Variants in CA10 observed in about 807,000 individuals in gnomAD.
CA10 encodes carbonic anhydrase-related protein 10.
A neutral mutation model predicts 44.2 loss-of-function variants in CA10; 14 were observed. The ratio of observed to expected loss-of-function variants is 0.32; its 90% CI spans 0.21 to 0.50. CA10 has a LOEUF of 0.50. Among genes scored for constraint, CA10 ranks in the 20% least tolerant of loss-of-function variants. The pLI, the probability that CA10 is intolerant of heterozygous loss-of-function variation, is 0.99. For synonymous variants in CA10, 159 were observed against 141.6 expected, an observed-to-expected ratio of 1.12 and a Z score of -0.87; for missense variants, 350 against 409.7, an observed-to-expected ratio of 0.85 and a Z score of 1.26.
chr17:51,821,501 A>G (rs1396429206), intron 3 of CA10, among the ~76,000 whole-genome samples: 2 of 151,964 alleles, frequency 1.3e-5, no homozygotes, highest in Non-Finnish European at 2.9e-5. Context: ...CCTTGGTCCA[A>G]ATGATTACCA....
chr17:52,032,406 T>C (rs918049495), intron 2 of CA10, among the ~76,000 whole-genome samples: 1 of 152,154 alleles, frequency 6.6e-6, no homozygotes, highest in Non-Finnish European at 1.5e-5. Context: ...GTACCTCTTT[T>C]TGCATGCTGG....
At chr17:52,106,127 C>T (rs1430095226) in intron 1 of CA10, among the ~76,000 whole-genome samples, 1 of 152,194 alleles carries the variant, frequency 6.6e-6, no homozygotes, top group East Asian at 1.9e-4. Flanking sequence ...TGGCCCGCAT[C>T]ACGGGTTTAA....
At chr17:52,141,544 T>C (rs2143384655) in intron 1 of CA10, among the ~76,000 whole-genome samples, 1 of 152,362 alleles carries the variant, frequency 6.6e-6, no homozygotes, top group South Asian at 2.1e-4. Context: ...TTTTAGGCTT[T>C]GCAGGCAGTA....
At chr17:52,053,209 T>C (rs1159044821) in intron 2 of CA10, among the ~76,000 whole-genome samples, 3 of 152,082 alleles carry the variant, frequency 2.0e-5, no homozygotes, top group Non-Finnish European at 2.9e-5. Flanking sequence ...ATCAGCATTG[T>C]CTCCATTTCT....
chr17:52,003,109 C>T (rs1483021194), intron 2 of CA10, among the ~76,000 whole-genome samples: 1 of 151,928 alleles, frequency 6.6e-6, no homozygotes, highest in Non-Finnish European at 1.5e-5. Context: ...ATACGATGGG[C>T]CTGTCAACAG....
intron 3 of CA10, among the ~76,000 whole-genome samples, chr17:51,889,637 A>C (rs144972178): frequency 0.011 from 1,687 of 152,308 alleles, 11 homozygotes; most frequent in Non-Finnish European, 0.016. Flanking sequence ...AGCATGGTTC[A>C]TTGGGGGCCA....
chr17:51,679,451 T>TG (rs1175072573), intron 4 of CA10, among the ~76,000 whole-genome samples: 2 of 151,764 alleles, frequency 1.3e-5, no homozygotes, highest in African/African-American at 2.4e-5. Flanking sequence ...TTAGTAGAGA[T>TG]GGGGTTTCAC....
chr17:51,640,776 C>T (rs1424753725), intron 6 of CA10, among the ~76,000 whole-genome samples: 1 of 152,206 alleles, frequency 6.6e-6, no homozygotes, highest in Admixed American at 6.5e-5. Context: ...CTTTTAGTCA[C>T]AAACTATCTT....
chr17:51,633,660 G>A lies in CA10; in HGVS notation c.790-10C>T, dbSNP rs1191364262. 1.2e-6 allele frequency: 2 copies of A among 1,609,810 alleles called. No homozygotes were observed. The highest frequency in any genetic ancestry group is 4.5e-5 in the East Asian group (2 of 44,792). ...GGCGCAAGGAATGCATCTGAGGAGA[G>A]AGAAGTGGCCGTGAGATCCAACCAT... On this transcript the variant is annotated splice_polypyrimidine_tract_variant and intron_variant, in intron 7 of 8. Coordinates refer to ENST00000451037, the MANE Select transcript of CA10 (RefSeq NM_020178.5).
At chr17:51,849,163 GTATATATATATACATATA>G (rs1978636746) in intron 3 of CA10, among the ~76,000 whole-genome samples, 25 of 90,246 alleles carry the variant, frequency 2.8e-4, no homozygotes, top group Admixed American at 7.0e-4. Flanking sequence ...ATACATATAT[GTATATATATATACATATA>G]TGTATATATA....
At position 51,630,461 on chromosome 17, in the gene CA10, G is replaced by A. The variant is rs72830531; in HGVS notation, c.*1123C>T. ...GAGAGAAAACATACCCCTTTCCCAG[G>A]AACTTACAAGGCAAAGTGCATTCCT... On this transcript the variant is annotated 3_prime_UTR_variant, in exon 9 of 9. Coordinates refer to ENST00000451037, the MANE Select transcript of CA10 (RefSeq NM_020178.5). 6.6e-6 allele frequency: 1 copy of A among 152,614 alleles called. No individual in the cohort carries two copies. The highest frequency in any genetic ancestry group is 1.5e-5 in the Non-Finnish European group (1 of 68,040). 9.5% of individuals were successfully genotyped at this position (152,614 alleles called of 1,614,324 possible). A position where few individuals can be genotyped will look rare whatever the true frequency, so the allele number is the denominator to read the frequency against.
chr17:52,016,948 C>T (rs894902919), intron 2 of CA10, among the ~76,000 whole-genome samples: 1 of 151,940 alleles, frequency 6.6e-6, no homozygotes, highest in Middle Eastern at 3.2e-3. Flanking sequence ...AATAACCTGG[C>T]ACTTTCTTCC....
At chr17:51,680,139 G>C (rs1332407537) in intron 4 of CA10, among the ~76,000 whole-genome samples, 1 of 152,162 alleles carries the variant, frequency 6.6e-6, no homozygotes, top group Non-Finnish European at 1.5e-5. Flanking sequence ...AGTAATATGG[G>C]ATTTCAAGAG....
rs571979449 is a variant in CA10 at position 51,862,793 on chromosome 17, G to A, written c.279+68197C>T. Among the ~76,000 whole-genome samples, 7 of 151,862 alleles carry A rather than the reference G, an allele frequency of 4.6e-5. No homozygotes were observed. In the East Asian group the frequency reaches 5.8e-4, roughly 13 times the overall value. ...GTGTTTGTGTGTATGTGTATGGGGC[G>A]GGGACGGGGGAAGTTGGGGAGAGAA... On this transcript the variant is annotated intron_variant, in intron 3 of 8. Coordinates refer to ENST00000451037, the MANE Select transcript of CA10 (RefSeq NM_020178.5).
At chr17:51,849,220 C>CATATATGTATATATATATATAT (rs1978663358) in intron 3 of CA10, among the ~76,000 whole-genome samples, 2 of 20,722 alleles carry the variant, frequency 9.7e-5, no homozygotes, top group Admixed American at 5.0e-4. Context: ...TATATATATA[C>CATATATGTATATATATATATAT]ATATATGTGT....
At chr17:51,696,543 T>A (rs1056405455) in intron 4 of CA10, among the ~76,000 whole-genome samples, 2 of 152,192 alleles carry the variant, frequency 1.3e-5, no homozygotes, top group Non-Finnish European at 2.9e-5. Context: ...CCTTCTAGAT[T>A]TTTTGATTCT....
At chr17:52,074,873 TGGTTGAAAAAAAAG>T (rs933653597) in intron 1 of CA10, among the ~76,000 whole-genome samples, 4 of 152,090 alleles carry the variant, frequency 2.6e-5, no homozygotes, top group Admixed American at 6.6e-5. Flanking sequence ...CATTTTTAAA[TGGTTGAAAAAAAAG>T]GGTTGAAAAA....
chr17:51,673,656 C>T (rs759098480), intron 4 of CA10, among the ~76,000 whole-genome samples: 1 of 152,220 alleles, frequency 6.6e-6, no homozygotes, highest in Non-Finnish European at 1.5e-5. Flanking sequence ...CTTATTATTG[C>T]ATCACTTCCT....
chr17:51,666,878 A>G (rs1383617109), intron 4 of CA10, among the ~76,000 whole-genome samples: 1 of 152,236 alleles, frequency 6.6e-6, no homozygotes, highest in African/African-American at 2.4e-5. Context: ...ATAAAAGATG[A>G]CTAATGAGCA....
Sources: gnomAD v4.1 joint callset for allele counts (sites outside exome capture counted in the v4.1 genomes callset) on GRCh38, gnomAD v4.1.1 for gene constraint, MANE v1.5 for transcripts, NCBI Gene and HGNC (gene_info 2026-07-23, HGNC 2026-07-21) for gene names.